Variants in MAF observed in about 807,000 individuals in gnomAD.
MAF encodes the protein transcription factor Maf.
MAF carries 10 observed loss-of-function variants against 22.0 expected under a neutral mutation model. The ratio of observed to expected loss-of-function variants is 0.45; its 90% CI spans 0.28 to 0.77. The LOEUF (loss-of-function observed/expected upper bound fraction) is 0.77. Ranked by LOEUF, MAF falls within the 30% of genes least tolerant of loss-of-function variation. The pLI, the probability that MAF is intolerant of heterozygous loss-of-function variation, is 0.12. For missense variants in MAF, 544 were observed against 548.4 expected (o/e 0.99, Z 0.08); for synonymous variants, 337 against 255.8 (o/e 1.32, Z -3.03).
chr16:79,321,643 T>C, the MAF span, among the ~76,000 whole-genome samples: 3 of 120,912 alleles, frequency 2.5e-5, no homozygotes, highest in African/African-American at 9.2e-5. Context: ...GTTTTTCTTT[T>C]TCTTTTTTTT....
At chr16:79,492,628 T>C in the MAF span, among the ~76,000 whole-genome samples, 15 of 152,024 alleles carry the variant, frequency 9.9e-5, no homozygotes, top group Middle Eastern at 6.8e-3. Flanking sequence ...ATGAATACAA[T>C]GTCCATCAAT....
the MAF span, among the ~76,000 whole-genome samples, chr16:79,441,240 T>C: frequency 1.3e-5 from 2 of 152,238 alleles, no homozygotes; most frequent in Non-Finnish European, 2.9e-5. Context: ...TTGACATTTA[T>C]ACCTAATTTC....
At chr16:79,439,062 A>AAGAGGC in the MAF span, among the ~76,000 whole-genome samples, 2 of 152,078 alleles carry the variant, frequency 1.3e-5, no homozygotes, top group African/African-American at 4.8e-5. Context: ...CCCTAGCTCC[A>AAGAGGC]AGAGGCAGAG....
rs1384717666 is a variant in MAF, at chr16:79,599,369, G to A, written c.534C>T (p.Gly178=). ...GGTGGTGGTGGTGGTGGTAGTGCGG[G>A]CCCGCGCCGCTCTGCGCGGCGGCCG... ...IAAAAAQSGA[G]PHYHHHHHHA... The change falls in exon 1 of 2, where the codon GGC becomes GGT. Residue 178 remains glycine, a synonymous_variant. Transcript: ENST00000326043. The A allele has an allele frequency of 1.8e-5, 18 of 998,798 alleles. No homozygotes were observed. The East Asian group carries it at 8.7e-4, about 48-fold the overall frequency. The allele number at this position is 998,798 out of a possible 1,614,324, so 61.9% of individuals were successfully genotyped here. A position where few individuals can be genotyped will look rare whatever the true frequency, so the allele number is the denominator to read the frequency against.
chr16:79,474,867 G>C, the MAF span, among the ~76,000 whole-genome samples: 1 of 152,138 alleles, frequency 6.6e-6, no homozygotes, highest in Non-Finnish European at 1.5e-5. Flanking sequence ...TGTATCAGGA[G>C]AGATCTAAAA....
At chr16:79,268,987 G>C in the MAF span, among the ~76,000 whole-genome samples, 5 of 152,226 alleles carry the variant, frequency 3.3e-5, no homozygotes, top group South Asian at 4.1e-4. Context: ...AAGCTCCTCA[G>C]CTGTGGCTTG....
At chr16:79,322,915 C>T in the MAF span, among the ~76,000 whole-genome samples, 1 of 151,770 alleles carries the variant, frequency 6.6e-6, no homozygotes, top group Non-Finnish European at 1.5e-5. Context: ...CTTTGGGAGG[C>T]CGAGGTGAAC....
chr16:79,236,434 C>G, the MAF span, among the ~76,000 whole-genome samples: 1 of 152,032 alleles, frequency 6.6e-6, no homozygotes, highest in Non-Finnish European at 1.5e-5. Context: ...GTCAAGCATT[C>G]CCACCTTTGG....
At chr16:79,364,724 A>G in the MAF span, among the ~76,000 whole-genome samples, 12 of 152,350 alleles carry the variant, frequency 7.9e-5, no homozygotes, top group South Asian at 2.1e-3. Flanking sequence ...GTGCTGACGT[A>G]ATTACCTACA....
At chr16:79,407,592 G>T in the MAF span, among the ~76,000 whole-genome samples, 1 of 152,198 alleles carries the variant, frequency 6.6e-6, no homozygotes, top group South Asian at 2.1e-4. Context: ...GCCATGGCAC[G>T]ACCCATTAAC....
the MAF span, among the ~76,000 whole-genome samples, chr16:79,250,417 G>C: frequency 1.3e-5 from 2 of 152,236 alleles, no homozygotes; most frequent in Non-Finnish European, 2.9e-5. Context: ...ACTGCGGAGA[G>C]GTCATCTCAC....
chr16:79,408,484 GCTTTTCT>G, the MAF span, among the ~76,000 whole-genome samples: 1 of 152,100 alleles, frequency 6.6e-6, no homozygotes, highest in African/African-American at 2.4e-5. Context: ...CCACATTGTG[GCTTTTCT>G]ACTTATTATC....
At chr16:79,261,613 G>C in the MAF span, among the ~76,000 whole-genome samples, 1 of 152,224 alleles carries the variant, frequency 6.6e-6, no homozygotes, top group Non-Finnish European at 1.5e-5. Context: ...CTATAGAGGA[G>C]ACAATTAGAA....
At chr16:79,517,247 C>A in the MAF span, among the ~76,000 whole-genome samples, 2 of 152,180 alleles carry the variant, frequency 1.3e-5, no homozygotes, top group Non-Finnish European at 2.9e-5. Context: ...ACCAACCATT[C>A]CCACCTGGCT....
At chr16:79,423,109 G>C in the MAF span, among the ~76,000 whole-genome samples, 1 of 152,148 alleles carries the variant, frequency 6.6e-6, no homozygotes, top group Admixed American at 6.5e-5. Context: ...AATACAGGGC[G>C]TTCAGTTAAG....
chr16:79,582,695 G>C (rs370454640), downstream of MAF, among the ~76,000 whole-genome samples: 3 of 152,196 alleles, frequency 2.0e-5, no homozygotes, highest in South Asian at 4.1e-4. Context: ...ATAATAAAAT[G>C]CTTTAAATGA....
At chr16:79,452,270 G>C in the MAF span, among the ~76,000 whole-genome samples, 2 of 152,162 alleles carry the variant, frequency 1.3e-5, no homozygotes, top group Non-Finnish European at 2.9e-5. Flanking sequence ...TATTAACATA[G>C]GTTAAATTAT....
the MAF span, among the ~76,000 whole-genome samples, chr16:79,519,843 A>C: frequency 6.6e-6 from 1 of 152,218 alleles, no homozygotes; most frequent in African/African-American, 2.4e-5. Flanking sequence ...TGGGGAAAAA[A>C]GGTAGAGTCC....
the MAF span, among the ~76,000 whole-genome samples, chr16:79,236,907 T>C: frequency 2.0e-5 from 3 of 150,608 alleles, no homozygotes; most frequent in African/African-American, 7.3e-5. Context: ...CTTTAGTGCT[T>C]CTACTTGACC....
Sources: gnomAD v4.1 joint callset for allele counts (sites outside exome capture counted in the v4.1 genomes callset) on GRCh38, gnomAD v4.1.1 for gene constraint, MANE v1.5 for transcripts, NCBI Gene and HGNC (gene_info 2026-07-23, HGNC 2026-07-21) for gene names.